GSDMC: variants seen among roughly 807,000 people sequenced by gnomAD.
GSDMC encodes the protein gasdermin C, also known as gasdermin-C.
GSDMC carries 59 observed loss-of-function variants against 58.0 expected under a neutral mutation model. That is an observed-to-expected ratio of 1.02 (90% CI 0.82 to 1.26). GSDMC has a LOEUF of 1.26. GSDMC is among the 50% of genes most tolerant of loss of function. The probability of loss-of-function intolerance (pLI) is 0.00; values close to 1 mark genes in which losing one functional copy is unlikely to be tolerated. For synonymous variants in GSDMC, 241 were observed against 220.2 expected (o/e 1.09, Z -0.83); for missense variants, 659 against 598.5 (o/e 1.10, Z -1.06).
the GSDMC span, chr8:129,729,944 C>G: frequency 6.7e-7 from 1 of 1,503,022 alleles, no homozygotes; most frequent in Non-Finnish European, 9.2e-7. Flanking sequence ...CTAAGCGAGC[C>G]AGTGGAGCTG....
At chr8:129,715,396 T>C in the GSDMC span, among the ~76,000 whole-genome samples, 1 of 151,880 alleles carries the variant, frequency 6.6e-6, no homozygotes, top group Non-Finnish European at 1.5e-5. Flanking sequence ...TCAAACAGGG[T>C]AATTAGAGTC....
downstream of GSDMC, among the ~76,000 whole-genome samples, chr8:129,747,205 C>T (rs1364771633): frequency 1.3e-5 from 2 of 150,992 alleles, no homozygotes; most frequent in East Asian, 1.9e-4. Context: ...TGCAGTGAGC[C>T]GAGATCGTGC....
In GSDMC at chr8:129,748,403, A is replaced by G; in HGVS notation, c.*98T>C. ...CTGTCTCTACTCCACCTGGAAACGC[A>G]GAGAGGCACAGCCCTATCTCTTGCA... On this transcript the variant is annotated 3_prime_UTR_variant, in exon 14 of 14. Coordinates refer to ENST00000276708, the MANE Select transcript of GSDMC (RefSeq NM_031415.3). 1 of 1,244,096 alleles carries G rather than the reference A, an allele frequency of 8.0e-7. No individual in the cohort carries two copies. The highest frequency in any genetic ancestry group is 1.1e-6 in the Non-Finnish European group (1 of 914,130). 77.1% of individuals were successfully genotyped at this position (1,244,096 alleles called of 1,614,324 possible).
the GSDMC span, among the ~76,000 whole-genome samples, chr8:129,715,270 C>T: frequency 1.1e-4 from 17 of 152,086 alleles, no homozygotes; most frequent in Admixed American, 1.1e-3. Context: ...AAACACTGTT[C>T]TGGCCCAGCC....
chr8:129,709,590 T>TGATAGCTAGATAGATA, the GSDMC span, among the ~76,000 whole-genome samples: 4 of 146,148 alleles, frequency 2.7e-5, no homozygotes, highest in Non-Finnish European at 4.5e-5. Flanking sequence ...GATAGATAGA[T>TGATAGCTAGATAGATA]GATAGATAGA....
At chr8:129,747,272 T>A (rs948706369), downstream of GSDMC, among the ~76,000 whole-genome samples, 6 of 150,498 alleles carry the variant, frequency 4.0e-5, no homozygotes, top group East Asian at 2.0e-4. Context: ...AAAAAAAAAA[T>A]TTGATAAAGA....
At chr8:129,774,030 A>G (rs1364693060) in intron 3 of GSDMC, among the ~76,000 whole-genome samples, 1 of 152,180 alleles carries the variant, frequency 6.6e-6, no homozygotes, top group Non-Finnish European at 1.5e-5. Flanking sequence ...CAAAATGCCA[A>G]TGACAATCTT....
chr8:129,760,470 G>A (rs964022727), intron 6 of GSDMC, 75 bp downstream of exon 6: 30 of 814,346 alleles, frequency 3.7e-5, no homozygotes, highest in Middle Eastern at 4.8e-4. Flanking sequence ...AACATCTCAT[G>A]TACCTTATAA....
intron 2 of GSDMC, 115 bp from the exon 3 acceptor site, chr8:129,776,400 A>G: frequency 1.5e-6 from 1 of 668,292 alleles, no homozygotes; most frequent in Non-Finnish European, 2.5e-6. Context: ...TTTTGCCCCA[A>G]TCCTCCCACT....
At chr8:129,751,398 A>G (rs1297857432) in intron 10 of GSDMC, 144 bp downstream of exon 10, 2 of 682,818 alleles carry the variant, frequency 2.9e-6, no homozygotes, top group African/African-American at 1.8e-5. Flanking sequence ...ATAAGTCCTC[A>G]ATAAATGTTT....
At chr8:129,730,058 A>T in the GSDMC span, 16 of 1,140,810 alleles carry the variant, frequency 1.4e-5, no homozygotes, top group Non-Finnish European at 2.0e-5. Flanking sequence ...CTTGAAAATA[A>T]GTAAAGAAGA....
chr8:129,714,918 C>A, the GSDMC span, among the ~76,000 whole-genome samples: 5 of 152,102 alleles, frequency 3.3e-5, no homozygotes, highest in Admixed American at 2.6e-4. Context: ...CGATTGAAAG[C>A]AAAAATTCTA....
At chr8:129,711,285 C>T in the GSDMC span, among the ~76,000 whole-genome samples, 73 of 152,242 alleles carry the variant, frequency 4.8e-4, no homozygotes, top group Non-Finnish European at 5.3e-4. Context: ...CTCTCTTATC[C>T]ATGTCATCTA....
intron 3 of GSDMC, among the ~76,000 whole-genome samples, chr8:129,775,277 C>G (rs191817322): frequency 1.3e-5 from 2 of 152,088 alleles, no homozygotes; most frequent in Non-Finnish European, 2.9e-5. Context: ...ATGGATAAAC[C>G]TTGATGGCAT....
intron 1 of GSDMC, among the ~76,000 whole-genome samples, chr8:129,785,461 A>T (rs2034530822): frequency 6.6e-6 from 1 of 152,032 alleles, no homozygotes; most frequent in East Asian, 1.9e-4. Context: ...ACTGAATAAG[A>T]TCTAGTATTT....
the GSDMC span, among the ~76,000 whole-genome samples, chr8:129,735,321 A>G: frequency 6.6e-6 from 1 of 152,226 alleles, no homozygotes; most frequent in African/African-American, 2.4e-5. Flanking sequence ...AGACATCTAC[A>G]GAACTCTCCA....
chr8:129,707,362 C>T, the GSDMC span, among the ~76,000 whole-genome samples: 1 of 152,170 alleles, frequency 6.6e-6, no homozygotes, highest in African/African-American at 2.4e-5. Context: ...CATGCCCTCA[C>T]AGGAACTAAA....
At position 129,748,481 on chromosome 8, in the gene GSDMC, G is replaced by T; in HGVS notation, c.*20C>A. 1 of 1,586,410 alleles carries T rather than the reference G, an allele frequency of 6.3e-7. No homozygotes were observed. The highest frequency in any genetic ancestry group is 1.2e-5 in the South Asian group (1 of 84,314). ...GGGCGAGGGCCAGCATCTCTGGACT[G>T]ACTGCCCATCAGGGAGGGCTTAGGC... On this transcript the variant is annotated 3_prime_UTR_variant, in exon 14 of 14. Coordinates refer to ENST00000276708, the MANE Select transcript of GSDMC (RefSeq NM_031415.3).
chr8:129,746,292 A>G (rs1156775108), downstream of GSDMC, among the ~76,000 whole-genome samples: 1 of 152,242 alleles, frequency 6.6e-6, no homozygotes, highest in East Asian at 1.9e-4. Context: ...CTGTAAAGCT[A>G]AGGAAAAGAA....
Sources: gnomAD v4.1 joint callset for allele counts (sites outside exome capture counted in the v4.1 genomes callset) on GRCh38, gnomAD v4.1.1 for gene constraint, MANE v1.5 for transcripts, NCBI Gene and HGNC (gene_info 2026-07-23, HGNC 2026-07-21) for gene names.